Variants in UGT1A6 observed in about 807,000 individuals in gnomAD.
UGT1A6 encodes the protein UDP-glucuronosyltransferase 1A6.
UGT1A6 carries 32 observed loss-of-function variants against 44.4 expected under a neutral mutation model. That is an observed-to-expected ratio of 0.72 (90% CI 0.54 to 0.97). UGT1A6 has a LOEUF of 0.97. Among genes scored for constraint, UGT1A6 ranks in the 50% least tolerant of loss-of-function variants. UGT1A6 has a pLI of 0.00. For missense variants in UGT1A6, 685 were observed against 661.9 expected (o/e 1.03, Z -0.38); for synonymous variants, 238 against 248.5 (o/e 0.96, Z 0.40).
rs1275166872 is a variant in UGT1A6 at position 233,693,730 on chromosome 2, T to C, written c.726T>C (p.Asp242=). Residue 242 remains aspartate (D), a synonymous_variant, in exon 1 of 5, where the codon GAT becomes GAC. Coordinates refer to ENST00000305139, the MANE Select transcript of UGT1A6 (RefSeq NM_001072.4). ...LASAVLKRDV[D]IITLYQKVSV... is the part of the protein sequence containing the mutation. ...CAGCTGTCCTCAAGAGAGATGTGGA[T>C]ATAATCACCTTATATCAGAAGGTCT... 1 of 1,614,242 alleles carries C rather than the reference T, an allele frequency of 6.2e-7. No homozygotes were observed. Among genetic ancestry groups the C allele is most frequent in the Admixed American group, 1.7e-5 (1 of 60,018 alleles).
chr2:233,718,176 T>C (rs1244111722), intron 1 of UGT1A6: 1 of 237,604 alleles, frequency 4.2e-6, no homozygotes, highest in Non-Finnish European at 8.5e-6. Flanking sequence ...TCATCACATC[T>C]TGAGCTCAGC....
chr2:233,723,051 G>C (rs1327620442), intron 1 of UGT1A6, among the ~76,000 whole-genome samples: 1 of 141,468 alleles, frequency 7.1e-6, no homozygotes, highest in African/African-American at 2.7e-5. Flanking sequence ...GGCACACTCG[G>C]TGTAACTTTA....
intron 1 of UGT1A6, among the ~76,000 whole-genome samples, chr2:233,746,990 A>G (rs971804174): frequency 6.6e-6 from 1 of 151,860 alleles, no homozygotes. Context: ...GCAGGGTCAG[A>G]TGAGTTTTTC....
At chr2:233,759,652 C>G (rs35665780) in intron 1 of UGT1A6, among the ~76,000 whole-genome samples, 1 of 121,978 alleles carries the variant, frequency 8.2e-6, no homozygotes, top group East Asian at 2.9e-4. Context: ...TTCACGATTT[C>G]TAAGTTCCTG....
chr2:233,757,238 G>C (rs191269433), intron 1 of UGT1A6, among the ~76,000 whole-genome samples: 1 of 148,984 alleles, frequency 6.7e-6, no homozygotes, highest in East Asian at 2.0e-4. Flanking sequence ...AGAAGTGGTG[G>C]TGAGGTGGGG....
rs1430980091 is a variant in UGT1A6 at position 233,768,314 on chromosome 2, G to A, written c.1176G>A (p.Leu392=). ...CNGVPMVMMP[L]FGDQMDNAKR... is the part of the protein sequence containing the mutation. ...GCGTTCCCATGGTGATGATGCCCTTGTTTGGTGATCAGATGGACAATGCAA... is the reference window on the plus strand; with the variant it reads ...GCGTTCCCATGGTGATGATGCCCTTATTTGGTGATCAGATGGACAATGCAA... The change falls in exon 4 of 5, where the codon TTG becomes TTA. Residue 392 remains leucine (L), a synonymous_variant. Transcript: ENST00000305139. 1.9e-5 allele frequency: 31 copies of A among 1,614,180 alleles called. No homozygotes were observed. Among genetic ancestry groups the A allele is most frequent in the Non-Finnish European group, 2.6e-5 (31 of 1,180,040 alleles).
chr2:233,727,329 TC>T (rs2077605729), intron 1 of UGT1A6, among the ~76,000 whole-genome samples: 1 of 152,014 alleles, frequency 6.6e-6, no homozygotes, highest in Non-Finnish European at 1.5e-5. Context: ...CACCAGGAGC[TC>T]CTCCCTCCCC....
intron 1 of UGT1A6, chr2:233,755,113 A>G (rs1695768898): frequency 4.5e-6 from 6 of 1,332,422 alleles, no homozygotes; most frequent in Non-Finnish European, 6.1e-6. Flanking sequence ...AACACCTCGT[A>G]GGCCTCAGCC....
intron 1 of UGT1A6, among the ~76,000 whole-genome samples, chr2:233,736,737 CCTTT>C (rs2125803115): frequency 6.6e-6 from 1 of 152,240 alleles, no homozygotes; most frequent in Non-Finnish European, 1.5e-5. Flanking sequence ...TTATGCTGTT[CCTTT>C]CTGTTTGTTA....
At position 233,756,026 on chromosome 2, in the gene UGT1A6, C is replaced by A. The variant is rs573577160; in HGVS notation, c.862-11008C>A. The stretch of plus-strand genomic sequence containing the variant: ...TATCTATTGTGATATTACACATCCC[C>A]CATGTAGCTTCTGGAAAACTCCACT... On this transcript the variant is annotated intron_variant, in intron 1 of 4. Transcript: ENST00000305139. 66 of 152,322 alleles carry A rather than the reference C, an allele frequency of 4.3e-4. 1 individual carries two copies. The highest frequency in any genetic ancestry group is 1.5e-3 in the African/African-American group (63 of 41,570). The allele number at this position is 152,322 out of a possible 1,614,324, so 9.4% of individuals were successfully genotyped here. A position where few individuals can be genotyped will look rare whatever the true frequency, so the allele number is the denominator to read the frequency against.
chr2:233,769,797 A>G lies in UGT1A6; in HGVS notation c.1301+1358A>G. The G allele has an allele frequency of 1.7e-6, 2 of 1,194,568 alleles. No individual in the cohort carries two copies. Among genetic ancestry groups the G allele is most frequent in the Non-Finnish European group, 2.2e-6 (2 of 895,402 alleles). The allele number at this position is 1,194,568 out of a possible 1,614,324, so 74.0% of individuals were successfully genotyped here. A position where few individuals can be genotyped will look rare whatever the true frequency, so the allele number is the denominator to read the frequency against. ...TTGAGCCCAGAAGTTGGAGGCTGCT[A>G]TGAGCCGTGATCATGCCACTGCACT... On this transcript the variant is annotated intron_variant, in intron 4 of 4. Transcript: ENST00000305139. This position sits in a 1 kb window ranked among gnomAD's most constrained non-coding sequence, Gnocchi z 4.4.
chr2:233,719,335 T>C lies in UGT1A6; in HGVS notation c.861+25470T>C, dbSNP rs759894236. 4 of 1,613,958 alleles carry C rather than the reference T, an allele frequency of 2.5e-6. No individual in the cohort carries two copies. In the Admixed American group the frequency reaches 6.7e-5, roughly 27 times the overall value. On this transcript the variant is annotated intron_variant, in intron 1 of 4. Transcript: ENST00000305139. ...TACCTGTCGATTCCTGCTGTGTTTT[T>C]TTGGAGGTACATTCCATGTGACTTA...
rs1384455680 is a variant in UGT1A6, at chr2:233,701,870, TA to T, written c.861+8008del. 2.0e-5 allele frequency among the ~76,000 whole-genome samples: 3 copies of T among 152,182 alleles called. No homozygotes were observed. The East Asian group carries it at 5.8e-4, about 29-fold the overall frequency. ...GTGTGTAGAGGGAAATTTATAGCAC[TA>T]AATGCCCACAAGAGAAAGCAGAAAA... On this transcript the variant is annotated intron_variant, in intron 1 of 4. Coordinates refer to ENST00000305139, the MANE Select transcript of UGT1A6 (RefSeq NM_001072.4).
chr2:233,693,977 TG>T, intron 1 of UGT1A6, 112 bp downstream of exon 1: 1 of 1,559,126 alleles, frequency 6.4e-7, no homozygotes, highest in Non-Finnish European at 8.7e-7. Flanking sequence ...GGAGAAACGG[TG>T]GGGGGAAGTG....
At chr2:233,755,969 A>T (rs2125939557) in intron 1 of UGT1A6, 1 of 152,304 alleles carries the variant, frequency 6.6e-6, no homozygotes, top group African/African-American at 2.4e-5. Context: ...GGCTCTATAG[A>T]GAGGTGGATT....
intron 1 of UGT1A6, among the ~76,000 whole-genome samples, chr2:233,750,317 C>A (rs543565956): frequency 1.3e-5 from 2 of 151,994 alleles, no homozygotes; most frequent in South Asian, 4.1e-4. Flanking sequence ...ATCTGTGGAA[C>A]TTTGAACTTC....
Position 233,740,507 on chromosome 2 carries a change from T to C in UGT1A6, c.862-26527T>C, listed in dbSNP as rs1011982264. ...CTTCCAGATGCTTTCCAGTGTGTGA[T>C]GTAAGCTGAACTAAAATCAGCTGTG... On this transcript the variant is annotated intron_variant, in intron 1 of 4. Coordinates refer to ENST00000305139, the MANE Select transcript of UGT1A6 (RefSeq NM_001072.4). Among the ~76,000 whole-genome samples the C allele has an allele frequency of 1.6e-4, 24 of 151,884 alleles. 2 individuals carry two copies. Among genetic ancestry groups the C allele is most frequent in the African/African-American group, 5.6e-4 (23 of 41,150 alleles).
rs1699877276 is a variant in UGT1A6, at chr2:233,769,473, G to T, written c.1301+1034G>T. 7 of 1,609,972 alleles carry T rather than the reference G, an allele frequency of 4.3e-6. No homozygotes were observed. Among genetic ancestry groups the T allele is most frequent in the South Asian group, 2.2e-5 (2 of 90,952 alleles). On this transcript the variant is annotated intron_variant, in intron 4 of 4. Transcript: ENST00000305139. The surrounding 1 kb of genome is among the most constrained non-coding windows in gnomAD (Gnocchi z 4.4). ...CGTGTGCATTCATATGCGTGTGTGT[G>T]TGTGTGCGTGTGTTTATGAGAGTGT... is the stretch of plus-strand genomic sequence containing the variant.
intron 1 of UGT1A6, among the ~76,000 whole-genome samples, chr2:233,763,291 T>C (rs1222576175): frequency 6.6e-6 from 1 of 152,232 alleles, no homozygotes; most frequent in Non-Finnish European, 1.5e-5. Context: ...AAATTCCACT[T>C]TTTGGATATT....
Sources: gnomAD v4.1 joint callset for allele counts (sites outside exome capture counted in the v4.1 genomes callset) on GRCh38, gnomAD v4.1.1 for gene constraint, Gnocchi (gnomAD v3.1) non-coding constraint, MANE v1.5 for transcripts, NCBI Gene and HGNC (gene_info 2026-07-23, HGNC 2026-07-21) for gene names.